The following GRIA4 variants were observed in gnomAD, a reference collection of about 807,000 sequenced individuals.
GRIA4 encodes the protein glutamate ionotropic receptor AMPA type subunit 4.
A neutral mutation model predicts 104.0 loss-of-function variants in GRIA4; 34 were observed. That is an observed-to-expected ratio of 0.33 (90% CI 0.25 to 0.44). The LOEUF is 0.44. Among genes scored for constraint, GRIA4 ranks in the 20% least tolerant of loss-of-function variants. GRIA4 has a pLI of 1.00. For synonymous variants in GRIA4, 386 were observed against 381.9 expected, an observed-to-expected ratio of 1.01 and a Z score of -0.13; for missense variants, 750 against 1,096.5, an observed-to-expected ratio of 0.68 and a Z score of 4.46.
intron 3 of GRIA4, among the ~76,000 whole-genome samples, chr11:105,698,546 T>G (rs1012741067): frequency 5.9e-5 from 9 of 152,114 alleles, no homozygotes; most frequent in African/African-American, 1.9e-4. Flanking sequence ...TGCTTTGCAA[T>G]GAGACACGAA....
intron 3 of GRIA4, among the ~76,000 whole-genome samples, chr11:105,649,658 T>G (rs1951631018): frequency 6.6e-6 from 1 of 152,250 alleles, no homozygotes; most frequent in African/African-American, 2.4e-5. Context: ...AGTCAAACTT[T>G]ATGAGATTTC....
At chr11:105,853,360 T>C (rs922721789) in intron 4 of GRIA4, among the ~76,000 whole-genome samples, 1 of 152,122 alleles carries the variant, frequency 6.6e-6, no homozygotes, top group African/African-American at 2.4e-5. Flanking sequence ...ATTATGAAAA[T>C]TGGAGATTAC....
intron 14 of GRIA4, among the ~76,000 whole-genome samples, chr11:105,967,660 T>C (rs1474820565): frequency 6.7e-6 from 1 of 149,300 alleles, no homozygotes; most frequent in Non-Finnish European, 1.5e-5. Flanking sequence ...CAAAATGAAA[T>C]ACATTATGTT....
intron 3 of GRIA4, among the ~76,000 whole-genome samples, chr11:105,623,878 G>A (rs563002071): frequency 1.3e-3 from 195 of 151,960 alleles, no homozygotes; most frequent in Non-Finnish European, 2.5e-3. Flanking sequence ...CTTTTTAAAC[G>A]TCCTGTCCTC....
At position 105,918,883 on chromosome 11, in the gene GRIA4, A is replaced by C; in HGVS notation, c.1441A>C (p.Ile481Leu). ...TGGAGCAAGGGATGCAGACACAAAA[A>C]TCTGGAATGGGATGGTAGGAGAACT... The part of the protein sequence containing the change: ...KYGARDADTK[I>L]WNGMVGELVY... The change falls in exon 11 of 17, where the codon ATC becomes CTC. Residue 481 changes from isoleucine to leucine, a missense_variant. This residue lies in a region of GRIA4 where 272 missense variants were observed against 524.5 expected (regional missense o/e 0.52). Transcript: ENST00000282499. The C allele has an allele frequency of 6.2e-7, 1 of 1,611,084 alleles. No individual in the cohort carries two copies.
intron 4 of GRIA4, among the ~76,000 whole-genome samples, chr11:105,816,533 C>T (rs146598980): frequency 6.2e-4 from 95 of 152,250 alleles, no homozygotes; most frequent in Non-Finnish European, 1.3e-3. Context: ...TAGAGGCCTC[C>T]CCAGAAGCAG....
chr11:105,663,540 G>A (rs1411152451), intron 3 of GRIA4, among the ~76,000 whole-genome samples: 3 of 151,902 alleles, frequency 2.0e-5, no homozygotes, highest in African/African-American at 7.2e-5. Flanking sequence ...TAGAGACAAT[G>A]ACAGGACTAG....
chr11:105,723,197 A>G (rs1487664608), intron 3 of GRIA4, among the ~76,000 whole-genome samples: 1 of 152,114 alleles, frequency 6.6e-6, no homozygotes, highest in African/African-American at 2.4e-5. Context: ...AGTACTTGAC[A>G]TTTAAATGTC....
chr11:105,798,191 G>C (rs1431682953), intron 4 of GRIA4, among the ~76,000 whole-genome samples: 1 of 152,038 alleles, frequency 6.6e-6, no homozygotes, highest in Non-Finnish European at 1.5e-5. Flanking sequence ...AGATGAATTA[G>C]ATAATATCAT....
At chr11:105,736,158 TG>T (rs1938929023) in intron 3 of GRIA4, among the ~76,000 whole-genome samples, 2 of 152,186 alleles carry the variant, frequency 1.3e-5, no homozygotes, top group African/African-American at 4.8e-5. Flanking sequence ...TAATCCCTCT[TG>T]GCAACAATCA....
intron 3 of GRIA4, among the ~76,000 whole-genome samples, chr11:105,663,826 G>A (rs1231691940): frequency 6.6e-6 from 1 of 151,856 alleles, no homozygotes. Context: ...TCTTCCTGGT[G>A]TATAGAGCAG....
intron 4 of GRIA4, among the ~76,000 whole-genome samples, chr11:105,757,621 C>T (rs751895507): frequency 1.3e-4 from 20 of 152,090 alleles, no homozygotes; most frequent in Non-Finnish European, 2.6e-4. Context: ...AATATGCAGA[C>T]CTCCGTGAAT....
At chr11:105,895,216 C>T (rs997250326) in intron 6 of GRIA4, among the ~76,000 whole-genome samples, 1 of 150,764 alleles carries the variant, frequency 6.6e-6, no homozygotes, top group Non-Finnish European at 1.5e-5. Context: ...TAAGAGAAAA[C>T]AAAAAGAAAG....
rs1938298973 is a variant in GRIA4, at chr11:105,727,615, G to C, written c.248-25366G>C. Among the ~76,000 whole-genome samples the C allele has an allele frequency of 2.0e-5, 3 of 152,074 alleles. No homozygotes were observed. The South Asian group carries it at 6.2e-4, about 32-fold the overall frequency. On this transcript the variant is annotated intron_variant, in intron 3 of 16. Transcript: ENST00000282499. ...TGAAATGAAGGAAAAAATGTTAAGG[G>C]CAGCCAGAGAGATAAAGCAGGTCGC... is the stretch of plus-strand genomic sequence containing the variant.
intron 6 of GRIA4, among the ~76,000 whole-genome samples, chr11:105,891,463 C>T (rs1001670678): frequency 6.6e-6 from 1 of 152,092 alleles, no homozygotes; most frequent in African/African-American, 2.4e-5. Flanking sequence ...ATGCACAAAG[C>T]CCTTTAAGAT....
chr11:105,957,444 G>T (rs1201866340), intron 14 of GRIA4, among the ~76,000 whole-genome samples: 1 of 152,018 alleles, frequency 6.6e-6, no homozygotes, highest in Non-Finnish European at 1.5e-5. Flanking sequence ...TATTTCTGAG[G>T]GCTCTGTTCT....
At chr11:105,924,856 G>A (rs1947661785) in intron 12 of GRIA4, 87 bp downstream of exon 12, 6 of 1,012,284 alleles carry the variant, frequency 5.9e-6, no homozygotes, top group Non-Finnish European at 8.7e-6. Flanking sequence ...TTCTTTTCCT[G>A]AAGACAGAGG....
chr11:105,789,357 T>A (rs774724162), intron 4 of GRIA4, among the ~76,000 whole-genome samples: 1 of 152,182 alleles, frequency 6.6e-6, no homozygotes, highest in Non-Finnish European at 1.5e-5. Flanking sequence ...CTCAGACTGC[T>A]GAGAAAGCTT....
chr11:105,739,701 T>G (rs1160601726), intron 3 of GRIA4, among the ~76,000 whole-genome samples: 1 of 152,162 alleles, frequency 6.6e-6, no homozygotes, highest in African/African-American at 2.4e-5. Context: ...TTTTCAAATC[T>G]GAACATGAGG....
Sources: gnomAD v4.1 joint callset for allele counts (sites outside exome capture counted in the v4.1 genomes callset) on GRCh38, gnomAD v4.1.1 for gene constraint, gnomAD v4.1.1 regional missense constraint, MANE v1.5 for transcripts, NCBI Gene and HGNC (gene_info 2026-07-23, HGNC 2026-07-21) for gene names.